The following PTPRM variants were observed in gnomAD, a reference collection of about 807,000 sequenced individuals.
PTPRM encodes the protein protein tyrosine phosphatase receptor type M, also known as receptor-type tyrosine-protein phosphatase mu.
In PTPRM, 47 loss-of-function variants were observed where a neutral mutation model predicts 186.7. The observed-to-expected ratio is 0.25, with a 90% CI of 0.20 to 0.32. The LOEUF (loss-of-function observed/expected upper bound fraction) is 0.32. Among genes scored for constraint, PTPRM ranks in the 10% least tolerant of loss-of-function variants. The pLI, the probability that PTPRM is intolerant of heterozygous loss-of-function variation, is 1.00. For synonymous variants in PTPRM, 668 were observed against 674.9 expected (o/e 0.99, Z 0.16); for missense variants, 1,494 against 1,865.0 (o/e 0.80, Z 3.66).
chr18:7,856,405 C>T (rs1443609), intron 2 of PTPRM, among the ~76,000 whole-genome samples: 106,811 of 152,046 alleles, frequency 0.7, 38,362 homozygotes, highest in East Asian at 0.96. Flanking sequence ...ACCTAGTCAC[C>T]CGTCTCTACT....
intron 14 of PTPRM, among the ~76,000 whole-genome samples, chr18:8,209,385 G>A (rs1342214337): frequency 2.6e-5 from 4 of 151,974 alleles, no homozygotes; most frequent in African/African-American, 9.7e-5. Context: ...ATAGATTGAA[G>A]TGTCAAGAAA....
intron 1 of PTPRM, among the ~76,000 whole-genome samples, chr18:7,761,602 A>G (rs1247227764): frequency 6.6e-6 from 1 of 152,200 alleles, no homozygotes; most frequent in Non-Finnish European, 1.5e-5. Flanking sequence ...CTCATGTAGG[A>G]AAAGGAGACC....
At chr18:7,721,285 G>A (rs907390378) in intron 1 of PTPRM, among the ~76,000 whole-genome samples, 1 of 151,782 alleles carries the variant, frequency 6.6e-6, no homozygotes, top group African/African-American at 2.4e-5. Flanking sequence ...TTGGAGGAAT[G>A]TCTATTCAAG....
At chr18:7,603,676 A>G (rs2037461279) in intron 1 of PTPRM, among the ~76,000 whole-genome samples, 1 of 152,332 alleles carries the variant, frequency 6.6e-6, no homozygotes, top group Admixed American at 6.5e-5. Context: ...GCCAGTTGGT[A>G]GCTTTGGCTT....
intron 3 of PTPRM, among the ~76,000 whole-genome samples, chr18:7,904,233 A>G (rs1016944612): frequency 1.3e-5 from 2 of 152,200 alleles, no homozygotes; most frequent in Non-Finnish European, 2.9e-5. Flanking sequence ...CAGAATGCTA[A>G]CATTTTACAA....
chr18:7,833,856 G>A (rs2045889588), intron 2 of PTPRM, among the ~76,000 whole-genome samples: 1 of 152,164 alleles, frequency 6.6e-6, no homozygotes, highest in South Asian at 2.1e-4. Flanking sequence ...AGTTCTAATA[G>A]GTTTTGGATA....
intron 1 of PTPRM, among the ~76,000 whole-genome samples, chr18:7,604,002 T>C (rs1184899557): frequency 6.6e-6 from 1 of 152,236 alleles, no homozygotes; most frequent in East Asian, 1.9e-4. Context: ...ACATAATTAT[T>C]TATAAAATCA....
chr18:7,760,515 C>G (rs2041720067), intron 1 of PTPRM, among the ~76,000 whole-genome samples: 1 of 152,158 alleles, frequency 6.6e-6, no homozygotes, highest in African/African-American at 2.4e-5. Context: ...GCTGAGAGAG[C>G]CTGAGGATTC....
intron 14 of PTPRM, among the ~76,000 whole-genome samples, chr18:8,192,292 G>A (rs1412212729): frequency 6.6e-6 from 1 of 152,144 alleles, no homozygotes; most frequent in East Asian, 1.9e-4. Flanking sequence ...GTAGCAGTGA[G>A]CATGTATTAC....
At chr18:8,260,922 T>C (rs1182111872) in intron 19 of PTPRM, among the ~76,000 whole-genome samples, 1 of 152,176 alleles carries the variant, frequency 6.6e-6, no homozygotes, top group Non-Finnish European at 1.5e-5. Flanking sequence ...TAGACGACTT[T>C]TCAGAATGGT....
At chr18:7,680,998 G>A (rs1484127772) in intron 1 of PTPRM, among the ~76,000 whole-genome samples, 1 of 152,194 alleles carries the variant, frequency 6.6e-6, no homozygotes, top group Non-Finnish European at 1.5e-5. Context: ...GGAGTGGGAT[G>A]TTTGATATTG....
At chr18:7,840,112 G>T (rs1049032731) in intron 2 of PTPRM, among the ~76,000 whole-genome samples, 1 of 149,696 alleles carries the variant, frequency 6.7e-6, no homozygotes, top group South Asian at 2.2e-4. Flanking sequence ...GGGTGATGGG[G>T]GAGGGGTGGT....
At chr18:7,773,552 C>CT (rs1193975388) in intron 1 of PTPRM, among the ~76,000 whole-genome samples, 4 of 135,988 alleles carry the variant, frequency 2.9e-5, no homozygotes, top group African/African-American at 1.1e-4. Context: ...GTCTTACTTT[C>CT]TTTTTTTTCT....
chr18:8,155,615 C>G (rs181985822), intron 14 of PTPRM, among the ~76,000 whole-genome samples: 48 of 152,284 alleles, frequency 3.2e-4, no homozygotes, highest in Middle Eastern at 3.4e-3. Flanking sequence ...ACAATGCTAG[C>G]ACTACCAAGA....
At position 7,703,570 on chromosome 18, in the gene PTPRM, G is replaced by A. The variant is rs541029352; in HGVS notation, c.74-70579G>A. On this transcript the variant is annotated intron_variant, in intron 1 of 32. Coordinates refer to ENST00000580170, the MANE Select transcript of PTPRM (RefSeq NM_001105244.2). ...TTGCTTATCAGCTTAAGGAGATTTT[G>A]GGTTGAGATGATGGGGTTTTCTAAA... Among the ~76,000 whole-genome samples the A allele has an allele frequency of 1.7e-4, 26 of 152,276 alleles. No homozygotes were observed. The South Asian group carries it at 5.0e-3, about 29-fold the overall frequency.
chr18:7,940,125 A>AT (rs1467239606), intron 5 of PTPRM, among the ~76,000 whole-genome samples: 4 of 152,170 alleles, frequency 2.6e-5, no homozygotes, highest in Non-Finnish European at 5.9e-5. Flanking sequence ...TCACTGTTTA[A>AT]TTCCAGCCTA....
intron 1 of PTPRM, among the ~76,000 whole-genome samples, chr18:7,720,016 A>T (rs1341599766): frequency 1.3e-5 from 2 of 152,174 alleles, no homozygotes; most frequent in Non-Finnish European, 2.9e-5. Flanking sequence ...TGGGTGAGAT[A>T]GCAAGACCCC....
In PTPRM at chr18:7,899,061, G is replaced by A. The variant is rs571130021; in HGVS notation, c.469-7444G>A. ...CACTGTAACTCATGCTGACTGGAGC[G>A]CTTCTAACATGTGTATTTTTTCCTT... On this transcript the variant is annotated intron_variant, in intron 3 of 32. Coordinates refer to ENST00000580170, the MANE Select transcript of PTPRM (RefSeq NM_001105244.2). Among the ~76,000 whole-genome samples the A allele has an allele frequency of 8.5e-5, 13 of 152,260 alleles. No homozygotes were observed. The East Asian group carries it at 1.7e-3, about 20-fold the overall frequency.
At chr18:8,059,138 G>A (rs1175172506) in intron 7 of PTPRM, among the ~76,000 whole-genome samples, 1 of 151,410 alleles carries the variant, frequency 6.6e-6, no homozygotes, top group Non-Finnish European at 1.5e-5. Flanking sequence ...CTTGAGTAGC[G>A]GTTTGCAGTT....
Sources: gnomAD v4.1 joint callset for allele counts (sites outside exome capture counted in the v4.1 genomes callset) on GRCh38, gnomAD v4.1.1 for gene constraint, MANE v1.5 for transcripts, NCBI Gene and HGNC (gene_info 2026-07-23, HGNC 2026-07-21) for gene names.